The following MEGF11 variants were observed in gnomAD, a reference collection of about 807,000 sequenced individuals.
The protein encoded by MEGF11 is multiple EGF like domains 11, also known as multiple epidermal growth factor-like domains protein 11.
A neutral mutation model predicts 146.6 loss-of-function variants in MEGF11; 126 were observed. The ratio of observed to expected loss-of-function variants is 0.86; its 90% confidence interval spans 0.74 to 1.00. The LOEUF (loss-of-function observed/expected upper bound fraction) is 1.00, where lower values mean the gene tolerates loss of function less well. MEGF11 is among the 50% of genes least tolerant of loss of function. The pLI is 0.00. For synonymous variants in MEGF11, 532 were observed against 583.4 expected, an observed-to-expected ratio of 0.91 and a Z score of 1.27; for missense variants, 1,509 against 1,521.2, an observed-to-expected ratio of 0.99 and a Z score of 0.13.
chr15:65,900,347 T>C (rs541745520), intron 24 of MEGF11, among the ~76,000 whole-genome samples: 1 of 152,340 alleles, frequency 6.6e-6, no homozygotes, highest in East Asian at 1.9e-4. Flanking sequence ...TGTAACTCAA[T>C]GGATGTCTTA....
Position 65,982,328 on chromosome 15 carries a change from G to C in MEGF11, c.555C>G (p.Cys185Trp). ...LCAPGTHGKGCQLPCQCRHGA... is the reference protein window; with the variant it reads ...LCAPGTHGKGWQLPCQCRHGA... Reference sequence around the variant, plus strand: ...CGTGTCGGCACTGGCACGGCAGCTGGCATCCCTTGCCGTGGGTGCCAGGTG... The same window carrying C: ...CGTGTCGGCACTGGCACGGCAGCTGCCATCCCTTGCCGTGGGTGCCAGGTG... The change falls in exon 6 of 26, where the codon TGC becomes TGG. Residue 185 changes from cysteine to tryptophan, a missense_variant. By Grantham distance (215) the Cys-to-Trp change is radical. Transcript: ENST00000395614. This position sits in a 1 kb window ranked among gnomAD's most constrained non-coding sequence, Gnocchi z 5.6. The C allele has an allele frequency of 6.5e-7, 1 of 1,531,150 alleles. No individual in the cohort carries two copies. The highest frequency in any genetic ancestry group is 1.2e-5 in the South Asian group (1 of 83,564). 94.8% of individuals were successfully genotyped at this position (1,531,150 alleles called of 1,614,324 possible).
intron 1 of MEGF11, among the ~76,000 whole-genome samples, chr15:66,164,015 C>T (rs1358005312): frequency 6.6e-6 from 1 of 152,188 alleles, no homozygotes; most frequent in East Asian, 1.9e-4. Context: ...TCCTTCCAGT[C>T]CCATCCCTAA....
At chr15:66,027,371 T>A (rs1304644665) in intron 5 of MEGF11, among the ~76,000 whole-genome samples, 1 of 152,224 alleles carries the variant, frequency 6.6e-6, no homozygotes, top group African/African-American at 2.4e-5. Context: ...AGTGACCACG[T>A]CAAGCTGAAC....
intron 4 of MEGF11, 44 bp downstream of exon 4, chr15:66,119,042 C>T (rs1370967020): frequency 1.4e-6 from 2 of 1,383,756 alleles, no homozygotes; most frequent in Non-Finnish European, 2.0e-6. Flanking sequence ...TTTGCCTCTC[C>T]TCCCTTCCCC....
chr15:66,176,483 T>C (rs2090391475), intron 1 of MEGF11, among the ~76,000 whole-genome samples: 1 of 152,146 alleles, frequency 6.6e-6, no homozygotes, highest in South Asian at 2.1e-4. Context: ...TATGTAGCTA[T>C]TTAGATCTAA....
chr15:66,252,884 T>A (rs1730368109), intron 1 of MEGF11, among the ~76,000 whole-genome samples: 1 of 152,096 alleles, frequency 6.6e-6, no homozygotes, highest in African/African-American at 2.4e-5. Context: ...GAGAGTCACT[T>A]GCTTCTCCTT....
intron 1 of MEGF11, among the ~76,000 whole-genome samples, chr15:66,226,424 T>C (rs2091854030): frequency 6.6e-6 from 1 of 151,992 alleles, no homozygotes; most frequent in South Asian, 2.1e-4. Context: ...ATTTTTGTAT[T>C]TTTAGTAGAA....
At chr15:66,159,348 C>A (rs1179425160) in intron 1 of MEGF11, among the ~76,000 whole-genome samples, 2 of 152,230 alleles carry the variant, frequency 1.3e-5, no homozygotes, top group African/African-American at 4.8e-5. Context: ...TCCTCTACTG[C>A]AGACCTGTAC....
intron 5 of MEGF11, among the ~76,000 whole-genome samples, chr15:66,073,891 C>T (rs1006933591): frequency 1.3e-5 from 2 of 152,188 alleles, no homozygotes; most frequent in Admixed American, 1.3e-4. Flanking sequence ...ATGTTTTCCC[C>T]CACATGAGCT....
chr15:66,205,911 C>G (rs1433594179), intron 1 of MEGF11, among the ~76,000 whole-genome samples: 1 of 152,094 alleles, frequency 6.6e-6, no homozygotes, highest in African/African-American at 2.4e-5. Flanking sequence ...ACTCACCATA[C>G]CAAAAACCAG....
chr15:66,070,007 T>C (rs2085298356), intron 5 of MEGF11, among the ~76,000 whole-genome samples: 1 of 152,064 alleles, frequency 6.6e-6, no homozygotes, highest in Non-Finnish European at 1.5e-5. Flanking sequence ...AGAAAACTGG[T>C]TTAATTAGGG....
rs1421584036 is a variant in MEGF11, at chr15:65,982,105, G to C, written c.641+137C>G. The C allele has an allele frequency of 1.7e-6, 2 of 1,196,840 alleles. No homozygotes were observed. The highest frequency in any genetic ancestry group is 2.9e-5 in the East Asian group (1 of 35,062). The allele number at this position is 1,196,840 out of a possible 1,614,324, so 74.1% of individuals were successfully genotyped here. ...GCCCACCCACAAGGAGCCCAGGGCT[G>C]GGCGTGCAGCTGCGGTGAGGGCAGC... On this transcript the variant is annotated intron_variant, in intron 6 of 25. Transcript: ENST00000395614. This position sits in a 1 kb window ranked among gnomAD's most constrained non-coding sequence, Gnocchi z 5.6.
At chr15:66,202,163 C>T (rs572347257) in intron 1 of MEGF11, among the ~76,000 whole-genome samples, 12 of 151,542 alleles carry the variant, frequency 7.9e-5, no homozygotes, top group African/African-American at 2.7e-4. Context: ...CACACATACT[C>T]ATCACACATG....
At chr15:66,056,843 C>T (rs1237295643) in intron 5 of MEGF11, among the ~76,000 whole-genome samples, 1 of 152,208 alleles carries the variant, frequency 6.6e-6, no homozygotes, top group Non-Finnish European at 1.5e-5. Flanking sequence ...TCCCCCTTCA[C>T]CCTGTCATTC....
chr15:66,185,346 T>C (rs2090666261), intron 1 of MEGF11, among the ~76,000 whole-genome samples: 1 of 152,060 alleles, frequency 6.6e-6, no homozygotes, highest in South Asian at 2.1e-4. Flanking sequence ...TCCTTACCAT[T>C]CCTCTCAAAG....
Position 66,111,600 on chromosome 15 carries a change from A to C in MEGF11, c.301+7486T>G, listed in dbSNP as rs1428660591. ...GCGCAGGCTGGGAGCCAGGGACTTCATACCCACTCAAGGGCAGACTTGGCC... is the reference window on the plus strand; with the variant it reads ...GCGCAGGCTGGGAGCCAGGGACTTCCTACCCACTCAAGGGCAGACTTGGCC... On this transcript the variant is annotated intron_variant, in intron 4 of 25. Coordinates refer to ENST00000395614, the MANE Select transcript of MEGF11 (RefSeq NM_001385028.1). Among the ~76,000 whole-genome samples, 6 of 152,334 alleles carry C rather than the reference A, an allele frequency of 3.9e-5. No individual in the cohort carries two copies. In the East Asian group the frequency reaches 1.2e-3, roughly 29 times the overall value.
At chr15:66,054,595 G>A (rs894558936) in intron 5 of MEGF11, among the ~76,000 whole-genome samples, 3 of 152,236 alleles carry the variant, frequency 2.0e-5, no homozygotes, top group Admixed American at 2.0e-4. Flanking sequence ...GGCAGAGTGA[G>A]CGGCCTGGAA....
rs867634992 is a variant in MEGF11, at chr15:65,992,453, G to T, written c.395-9965C>A. Among the ~76,000 whole-genome samples the T allele has an allele frequency of 5.6e-3, 803 of 142,964 alleles. 14 individuals are homozygous for T. The highest frequency in any genetic ancestry group is 0.018 in the Middle Eastern group (5 of 284). 93.8% of individuals were successfully genotyped at this position (142,964 alleles called of 152,430 possible). On this transcript the variant is annotated intron_variant, in intron 5 of 25. Transcript: ENST00000395614. ...TTTGTGCCTCTGTGTGTGTGTGTGGGGGGGGGGGTTAGTCACATCCTGAGG... is the reference window on the plus strand; with the variant it reads ...TTTGTGCCTCTGTGTGTGTGTGTGGTGGGGGGGGTTAGTCACATCCTGAGG...
chr15:65,977,609 G>A (rs1164313844), intron 7 of MEGF11, among the ~76,000 whole-genome samples: 8 of 151,290 alleles, frequency 5.3e-5, no homozygotes, highest in African/African-American at 1.9e-4. Flanking sequence ...CCTCCGAATA[G>A]CTGGGATTAC....
Sources: gnomAD v4.1 joint callset for allele counts (sites outside exome capture counted in the v4.1 genomes callset) on GRCh38, gnomAD v4.1.1 for gene constraint, Gnocchi (gnomAD v3.1) non-coding constraint, MANE v1.5 for transcripts, NCBI Gene and HGNC (gene_info 2026-07-23, HGNC 2026-07-21) for gene names.